TMEM229A: variants seen among roughly 807,000 people sequenced by gnomAD.
TMEM229A encodes the protein transmembrane protein 229A.
Under a neutral mutation model 30.0 loss-of-function variants are expected in TMEM229A, and 23 were observed. The ratio of observed to expected loss-of-function variants is 0.77; its 90% CI spans 0.55 to 1.09. TMEM229A has a LOEUF of 1.09. TMEM229A is among the 50% of genes least tolerant of loss of function. TMEM229A has a pLI of 0.00. For synonymous variants in TMEM229A, 264 were observed against 241.5 expected (o/e 1.09, Z -0.86); for missense variants, 534 against 525.9 (o/e 1.02, Z -0.15).
chr7:124,031,921 A>T lies in TMEM229A; in HGVS notation c.1083T>A (p.Ser361Arg), dbSNP rs1489673869. 5.2e-6 allele frequency: 8 copies of T among 1,551,568 alleles called. No homozygotes were observed. The highest frequency in any genetic ancestry group is 7.0e-6 in the Non-Finnish European group (8 of 1,147,002). Residue 361 changes from serine (S) to arginine (R), a missense_variant, in exon 1 of 1, where the codon AGT (serine) becomes AGA (arginine). By Grantham distance (110) the Ser-to-Arg change is moderately radical (BLOSUM62 -1). Coordinates refer to ENST00000455783, the MANE Select transcript of TMEM229A (RefSeq NM_001136002.2). This position sits in a 1 kb window ranked among gnomAD's most constrained non-coding sequence, Gnocchi z 4.1. Reference sequence around the variant, plus strand: ...CGTTGGAAATTAGGTCCTGGTACACACTAAGGAATATCCAGCCAGGTAAAT... The same window carrying T: ...CGTTGGAAATTAGGTCCTGGTACACTCTAAGGAATATCCAGCCAGGTAAAT... The part of the protein sequence containing the change: ...LMYLPGWIFL[S>R]VYQDLISNVL...
At position 124,032,420 on chromosome 7, in the gene TMEM229A, T is replaced by TGCTGCTGCTGTTGCTGCTGCC. The variant is rs1793148072; in HGVS notation, c.563_583dup (p.Arg188_Gln194dup). 6.5e-6 allele frequency: 10 copies of TGCTGCTGCTGTTGCTGCTGCC among 1,545,434 alleles called. No individual in the cohort carries two copies. The highest frequency in any genetic ancestry group is 1.2e-5 in the South Asian group (1 of 83,882). On this transcript the variant is annotated inframe_insertion, in exon 1 of 1. Coordinates refer to ENST00000455783, the MANE Select transcript of TMEM229A (RefSeq NM_001136002.2). The surrounding 1 kb of genome is among the most constrained non-coding windows in gnomAD (Gnocchi z 6.6). ...GCCCCTCCGCTGCTGCTGCTGCTGC[T>TGCTGCTGCTGTTGCTGCTGCC]GCTGCTGCTGTTGCTGCTGCCGCCG...
chr7:124,031,729 T>A lies in TMEM229A; in HGVS notation c.*132A>T. 1.1e-6 allele frequency: 1 copy of A among 946,710 alleles called. No homozygotes were observed. Among genetic ancestry groups the A allele is most frequent in the Non-Finnish European group, 1.5e-6 (1 of 668,504 alleles). The allele number at this position is 946,710 out of a possible 1,614,324, so 58.6% of individuals were successfully genotyped here. A position where few individuals can be genotyped will look rare whatever the true frequency, so the allele number is the denominator to read the frequency against. The stretch of plus-strand genomic sequence containing the variant: ...AACTAAAAGGTGGAATAAAACAATT[T>A]GGAAGAGTTTAGTAAAGCGTATAAA... On this transcript the variant is annotated 3_prime_UTR_variant, in exon 1 of 1. Transcript: ENST00000455783. The surrounding 1 kb of genome is among the most constrained non-coding windows in gnomAD (Gnocchi z 4.1).
Position 124,032,523 on chromosome 7 carries a change from G to A in TMEM229A, c.481C>T (p.Leu161=). Reference sequence around the variant, plus strand: ...TGGTAGAGCGCCAGCACGTACTGCAGCGCCAGGTCCAGCGCCCCTGGCGCC... The same window carrying A: ...TGGTAGAGCGCCAGCACGTACTGCAACGCCAGGTCCAGCGCCCCTGGCGCC... ...AVAPGALDLA[L]QYVLALYHCQ... Residue 161 remains leucine, a synonymous_variant, in exon 1 of 1, where the codon CTG becomes TTG. Coordinates refer to ENST00000455783, the MANE Select transcript of TMEM229A (RefSeq NM_001136002.2). The surrounding 1 kb of genome is among the most constrained non-coding windows in gnomAD (Gnocchi z 6.6). 1 of 1,549,910 alleles carries A rather than the reference G, an allele frequency of 6.5e-7. No individual in the cohort carries two copies. Among genetic ancestry groups the A allele is most frequent in the Admixed American group, 2.0e-5 (1 of 50,948 alleles).
Position 124,031,051 on chromosome 7 carries a change from A to C in TMEM229A, c.*810T>G, listed in dbSNP as rs1003995030. The C allele has an allele frequency of 2.6e-5, 4 of 152,218 alleles. No individual in the cohort carries two copies. Among genetic ancestry groups the C allele is most frequent in the African/African-American group, 9.6e-5 (4 of 41,456 alleles). 9.4% of individuals were successfully genotyped at this position (152,218 alleles called of 1,614,324 possible). A position where few individuals can be genotyped will look rare whatever the true frequency, so the allele number is the denominator to read the frequency against. On this transcript the variant is annotated 3_prime_UTR_variant, in exon 1 of 1. Transcript: ENST00000455783. The surrounding 1 kb of genome is among the most constrained non-coding windows in gnomAD (Gnocchi z 4.1). ...AATTTCACTTGGCCCTCGGCTATGT[A>C]AGGTAAACATTTTACATTATTGCAC...
rs1345701887 is a variant in TMEM229A at position 124,032,930 on chromosome 7, C to G, written c.74G>C (p.Gly25Ala). ...GGAARRPGAP[G>A]GPGSEAAAGC... Reference sequence around the variant, plus strand: ...GGCTGCCGCCTCGCTTCCTGGCCCGCCAGGGGCCCCCGGACGCCGCGCCGC... The same window carrying G: ...GGCTGCCGCCTCGCTTCCTGGCCCGGCAGGGGCCCCCGGACGCCGCGCCGC... The change falls in exon 1 of 1, where the codon GGC becomes GCC. Residue 25 changes from glycine to alanine, a missense_variant. Transcript: ENST00000455783. This position sits in a 1 kb window ranked among gnomAD's most constrained non-coding sequence, Gnocchi z 6.6. The G allele has an allele frequency of 5.9e-6, 8 of 1,358,170 alleles. No individual in the cohort carries two copies. Among genetic ancestry groups the G allele is most frequent in the Non-Finnish European group, 7.5e-6 (8 of 1,059,786 alleles). The allele number at this position is 1,358,170 out of a possible 1,614,324, so 84.1% of individuals were successfully genotyped here.
rs887861753 is a variant in TMEM229A, at chr7:124,032,309, C to G, written c.695G>C (p.Gly232Ala). 3.9e-6 allele frequency: 6 copies of G among 1,549,174 alleles called. No individual in the cohort carries two copies. Among genetic ancestry groups the G allele is most frequent in the Non-Finnish European group, 5.2e-6 (6 of 1,146,614 alleles). ...GTCGGGCAGCCCCTGGCTGGGGGCT[C>G]CCCCGGCGCCCCTGGGGCCACGGGG... Reference protein sequence around the residue: ...RRPRGPRGAGGAPSQGLPDLP... With the variant: ...RRPRGPRGAGAAPSQGLPDLP... Residue 232 changes from glycine (G) to alanine (A), a missense_variant, in exon 1 of 1, where the codon GGA (glycine) becomes GCA (alanine). Coordinates refer to ENST00000455783, the MANE Select transcript of TMEM229A (RefSeq NM_001136002.2). The surrounding 1 kb of genome is among the most constrained non-coding windows in gnomAD (Gnocchi z 6.6).
In TMEM229A at chr7:124,032,085, A is replaced by C. The variant is rs1793140500; in HGVS notation, c.919T>G (p.Trp307Gly). 1 of 1,551,588 alleles carries C rather than the reference A, an allele frequency of 6.4e-7. No individual in the cohort carries two copies. The highest frequency in any genetic ancestry group is 8.7e-7 in the Non-Finnish European group (1 of 1,147,002). Residue 307 changes from tryptophan to glycine, a missense_variant, in exon 1 of 1, where the codon TGG becomes GGG. Coordinates refer to ENST00000455783, the MANE Select transcript of TMEM229A (RefSeq NM_001136002.2). The surrounding 1 kb of genome is among the most constrained non-coding windows in gnomAD (Gnocchi z 6.6). ...ATCACGTAGATGGGCACCCGCTTCC[A>C]AGTGCCCCAACCGCGGCTGTAGTGG... is the stretch of plus-strand genomic sequence containing the variant. ...HLHYSRGWGTWKRVPIYVIFI... is the reference protein window; with the variant it reads ...HLHYSRGWGTGKRVPIYVIFI...
At position 124,032,768 on chromosome 7, in the gene TMEM229A, C is replaced by T. The variant is rs867905190; in HGVS notation, c.236G>A (p.Arg79His). The T allele has an allele frequency of 1.9e-6, 3 of 1,551,182 alleles. No individual in the cohort carries two copies. Among genetic ancestry groups the T allele is most frequent in the Non-Finnish European group, 2.6e-6 (3 of 1,146,828 alleles). ...VLVSSARRFA[R>H]SPDLRMLGFS... Reference sequence around the variant, plus strand: ...GCCTAGCATCCGCAGGTCCGGGCTGCGGGCGAAGCGCCGGGCCGAGGACAC... The same window carrying T: ...GCCTAGCATCCGCAGGTCCGGGCTGTGGGCGAAGCGCCGGGCCGAGGACAC... Residue 79 changes from arginine to histidine, a missense_variant, in exon 1 of 1, where the codon CGC (arginine) becomes CAC (histidine). Transcript: ENST00000455783. This position sits in a 1 kb window ranked among gnomAD's most constrained non-coding sequence, Gnocchi z 6.6.
rs1316825966 is a variant in TMEM229A, at chr7:124,032,785, C to G, written c.219G>C (p.Ser73=). 2.6e-6 allele frequency: 4 copies of G among 1,551,056 alleles called. No homozygotes were observed. In the South Asian group the frequency reaches 4.8e-5, roughly 18 times the overall value. Residue 73 remains serine, a synonymous_variant, in exon 1 of 1, where the codon TCG becomes TCC. Coordinates refer to ENST00000455783, the MANE Select transcript of TMEM229A (RefSeq NM_001136002.2). This position sits in a 1 kb window ranked among gnomAD's most constrained non-coding sequence, Gnocchi z 6.6. Reference sequence around the variant, plus strand: ...CCGGGCTGCGGGCGAAGCGCCGGGCCGAGGACACCAGCACGTCCAGGGTGA... The same window carrying G: ...CCGGGCTGCGGGCGAAGCGCCGGGCGGAGGACACCAGCACGTCCAGGGTGA... ...HGITLDVLVS[S]ARRFARSPDL...
In TMEM229A at chr7:124,032,649, C is replaced by G. The variant is rs755662208; in HGVS notation, c.355G>C (p.Val119Leu). 1.3e-6 allele frequency: 2 copies of G among 1,551,342 alleles called. No homozygotes were observed. The highest frequency in any genetic ancestry group is 1.4e-5 in the African/African-American group (1 of 73,146). Residue 119 changes from valine (V) to leucine (L), a missense_variant, in exon 1 of 1, where the codon GTC becomes CTC. Physicochemically the swap from Val to Leu is conservative, Grantham distance 32 (BLOSUM62 1). Transcript: ENST00000455783. This position sits in a 1 kb window ranked among gnomAD's most constrained non-coding sequence, Gnocchi z 6.6. ...GAGGGGTAGAGGAGGAAATTGAAGA[C>G]GAAGGCGTTGGGACAGCGCCGCTGC... Reference protein sequence around the residue: ...LQQRRCPNAFVFNFLLYPSAH... With the variant: ...LQQRRCPNAFLFNFLLYPSAH...
rs959861813 is a variant in TMEM229A, at chr7:124,032,428, C to T, written c.576G>A (p.Gln192=). ...YGRQRRRQQQ[Q]QQQQQQQQRR... ...GCTGCTGCTGCTGCTGCTGCTGCTG[C>T]TGTTGCTGCTGCCGCCGCCTCTGTC... Residue 192 remains glutamine, a synonymous_variant, in exon 1 of 1, where the codon CAG becomes CAA. Transcript: ENST00000455783. This position sits in a 1 kb window ranked among gnomAD's most constrained non-coding sequence, Gnocchi z 6.6. 16 of 1,538,170 alleles carry T rather than the reference C, an allele frequency of 1.0e-5. No individual in the cohort carries two copies. The highest frequency in any genetic ancestry group is 3.6e-4 in the Middle Eastern group (2 of 5,560).
rs1430298653 is a variant in TMEM229A at position 124,031,837 on chromosome 7, C to T, written c.*24G>A. The T allele has an allele frequency of 1.4e-6, 2 of 1,454,116 alleles. No individual in the cohort carries two copies. The highest frequency in any genetic ancestry group is 2.6e-5 in the Admixed American group (1 of 38,040). 90.1% of individuals were successfully genotyped at this position (1,454,116 alleles called of 1,614,324 possible). A position where few individuals can be genotyped will look rare whatever the true frequency, so the allele number is the denominator to read the frequency against. On this transcript the variant is annotated 3_prime_UTR_variant, in exon 1 of 1. Coordinates refer to ENST00000455783, the MANE Select transcript of TMEM229A (RefSeq NM_001136002.2). The surrounding 1 kb of genome is among the most constrained non-coding windows in gnomAD (Gnocchi z 4.1). ...TTCGTGGGAATCCAGTGACTTTTTC[C>T]TTTTCTTTCTTTCTTTTTTGGTTTT...
rs1318618382 is a variant in TMEM229A at position 124,032,645 on chromosome 7, A to T, written c.359T>A (p.Phe120Tyr). The T allele has an allele frequency of 6.4e-7, 1 of 1,550,978 alleles. No homozygotes were observed. The highest frequency in any genetic ancestry group is 1.4e-5 in the African/African-American group (1 of 72,964). Residue 120 changes from phenylalanine to tyrosine, a missense_variant, in exon 1 of 1, where the codon TTC (phenylalanine) becomes TAC (tyrosine). By Grantham distance (22) the Phe-to-Tyr change is conservative. Transcript: ENST00000455783. This position sits in a 1 kb window ranked among gnomAD's most constrained non-coding sequence, Gnocchi z 6.6. ...GGCCGAGGGGTAGAGGAGGAAATTG[A>T]AGACGAAGGCGTTGGGACAGCGCCG... The part of the protein sequence containing the change: ...QQRRCPNAFV[F>Y]NFLLYPSAHV...
In TMEM229A at chr7:124,031,414, T is replaced by C. The variant is rs1403789341; in HGVS notation, c.*447A>G. The C allele has an allele frequency of 6.6e-6, 1 of 152,186 alleles. No individual in the cohort carries two copies. Among genetic ancestry groups the C allele is most frequent in the African/African-American group, 2.4e-5 (1 of 41,012 alleles). The allele number at this position is 152,186 out of a possible 1,614,324, so 9.4% of individuals were successfully genotyped here. On this transcript the variant is annotated 3_prime_UTR_variant, in exon 1 of 1. Transcript: ENST00000455783. The surrounding 1 kb of genome is among the most constrained non-coding windows in gnomAD (Gnocchi z 4.1). Reference sequence around the variant, plus strand: ...AAATGAAATTAGATTAAAAAGAAAGTAAAACAAATCACTGAATCAGAAAAT... The same window carrying C: ...AAATGAAATTAGATTAAAAAGAAAGCAAAACAAATCACTGAATCAGAAAAT...
chr7:124,033,015 C>A lies in TMEM229A; in HGVS notation c.-12G>T. 8.0e-7 allele frequency: 1 copy of A among 1,250,516 alleles called. No homozygotes were observed. 77.5% of individuals were successfully genotyped at this position (1,250,516 alleles called of 1,614,324 possible). On this transcript the variant is annotated 5_prime_UTR_variant, in exon 1 of 1. Transcript: ENST00000455783. ...TCGCTCCCCGCCATGGGCTCGGAGG[C>A]TGTCCGAACGCCCGAGGCTGCACCG...
Position 124,033,056 on chromosome 7 carries a change from G to T in TMEM229A, c.-53C>A. On this transcript the variant is annotated 5_prime_UTR_variant, in exon 1 of 1. Transcript: ENST00000455783. ...GGCTGCACCGCCGCCGCTGCCGGGT[G>T]CGCGGAGCTGCAGGGCCGAGCGGCC... The T allele has an allele frequency of 8.5e-7, 1 of 1,172,080 alleles. No individual in the cohort carries two copies. The highest frequency in any genetic ancestry group is 3.5e-4 in the Middle Eastern group (1 of 2,892). 72.6% of individuals were successfully genotyped at this position (1,172,080 alleles called of 1,614,324 possible).
In TMEM229A at chr7:124,032,049, C is replaced by A. The variant is rs563805340; in HGVS notation, c.955G>T (p.Val319Leu). The A allele has an allele frequency of 1.3e-6, 2 of 1,551,712 alleles. No individual in the cohort carries two copies. Among genetic ancestry groups the A allele is most frequent in the South Asian group, 2.4e-5 (2 of 84,058 alleles). The change falls in exon 1 of 1, where the codon GTG (valine) becomes TTG (leucine). Residue 319 changes from valine to leucine, a missense_variant. Physicochemically the swap from Val to Leu is conservative, Grantham distance 32. Coordinates refer to ENST00000455783, the MANE Select transcript of TMEM229A (RefSeq NM_001136002.2). This position sits in a 1 kb window ranked among gnomAD's most constrained non-coding sequence, Gnocchi z 6.6. ...CCCAGACCCCAGGACAGCTCCCACA[C>A]GTAGATGAAGATCACGTAGATGGGC... is the stretch of plus-strand genomic sequence containing the variant. ...RVPIYVIFIYVWELSWGLGLR... is the reference protein window; with the variant it reads ...RVPIYVIFIYLWELSWGLGLR...
Position 124,032,029 on chromosome 7 carries a change from A to G in TMEM229A, c.975T>C (p.Gly325=). 1.3e-6 allele frequency: 2 copies of G among 1,551,572 alleles called. No individual in the cohort carries two copies. Among genetic ancestry groups the G allele is most frequent in the Non-Finnish European group, 1.7e-6 (2 of 1,146,962 alleles). ...AAGCCCCGCACGTGCGGAGTCCCAGACCCCAGGACAGCTCCCACACGTAGA... is the reference window on the plus strand; with the variant it reads ...AAGCCCCGCACGTGCGGAGTCCCAGGCCCCAGGACAGCTCCCACACGTAGA... ...IFIYVWELSW[G]LGLRTCGACS... Residue 325 remains glycine, a synonymous_variant, in exon 1 of 1, where the codon GGT becomes GGC. Transcript: ENST00000455783. This position sits in a 1 kb window ranked among gnomAD's most constrained non-coding sequence, Gnocchi z 6.6.
At position 124,032,144 on chromosome 7, in the gene TMEM229A, C is replaced by A. The variant is rs1183085340; in HGVS notation, c.860G>T (p.Cys287Phe). 1 of 1,551,748 alleles carries A rather than the reference C, an allele frequency of 6.4e-7. No individual in the cohort carries two copies. Among genetic ancestry groups the A allele is most frequent in the Non-Finnish European group, 8.7e-7 (1 of 1,147,008 alleles). The change falls in exon 1 of 1, where the codon TGC becomes TTC. Residue 287 changes from cysteine (C) to phenylalanine (F), a missense_variant. By Grantham distance (205) the Cys-to-Phe change is radical (BLOSUM62 -2). Coordinates refer to ENST00000455783, the MANE Select transcript of TMEM229A (RefSeq NM_001136002.2). The surrounding 1 kb of genome is among the most constrained non-coding windows in gnomAD (Gnocchi z 6.6). ...GTAGAGCTTTTCCACCACGAAACTG[C>A]AGCTGCCGTACATAAAGAAGGACCA... Reference protein sequence around the residue: ...SLWSFFMYGSCSFVVEKLYFH... With the variant: ...SLWSFFMYGSFSFVVEKLYFH...
Sources: gnomAD v4.1 joint callset for allele counts on GRCh38, gnomAD v4.1.1 for gene constraint, Gnocchi (gnomAD v3.1) non-coding constraint, MANE v1.5 for transcripts, NCBI Gene and HGNC (gene_info 2026-07-23, HGNC 2026-07-21) for gene names.